CHMP5: variants seen among roughly 807,000 people sequenced by gnomAD.
CHMP5 encodes the protein charged multivesicular body protein 5.
In CHMP5, 17 loss-of-function variants were observed where a neutral mutation model predicts 33.0. That is an observed-to-expected ratio of 0.52 (90% CI 0.35 to 0.77). The LOEUF (loss-of-function observed/expected upper bound fraction) is 0.77, where lower values mean the gene tolerates loss of function less well. CHMP5 is among the 30% of genes least tolerant of loss of function. CHMP5 has a pLI of 0.01. For missense variants in CHMP5, 216 were observed against 261.5 expected (o/e 0.83, Z 1.20); for synonymous variants, 76 against 90.2 (o/e 0.84, Z 0.89).
Position 33,278,148 on chromosome 9 carries a change from G to A in CHMP5, c.532G>A (p.Glu178Lys). Residue 178 changes from glutamate to lysine, a missense_variant, in exon 7 of 8, where the codon GAA becomes AAA. Transcript: ENST00000223500. ...ACTAGGTGATGAGCTTCTGGCTGAT[G>A]AAGACAGTTCTTATTTGGATGAGGC... ...DALGDELLADEDSSYLDEAAS... is the reference protein window; with the variant it reads ...DALGDELLADKDSSYLDEAAS... The A allele has an allele frequency of 6.2e-7, 1 of 1,612,926 alleles. No individual in the cohort carries two copies. Among genetic ancestry groups the A allele is most frequent in the Non-Finnish European group, 8.5e-7 (1 of 1,179,366 alleles).
At chr9:33,266,785 TGGCCTGC>T (rs981160733) in intron 2 of CHMP5, among the ~76,000 whole-genome samples, 3 of 152,092 alleles carry the variant, frequency 2.0e-5, no homozygotes, top group Non-Finnish European at 4.4e-5. Context: ...GCTTAAGGAG[TGGCCTGC>T]TGGGAAAAAC....
Position 33,276,389 on chromosome 9 carries a change from TA to T in CHMP5, c.388-66del, listed in dbSNP as rs1208855551. On this transcript the variant is annotated intron_variant, in intron 5 of 7. Coordinates refer to ENST00000223500, the MANE Select transcript of CHMP5 (RefSeq NM_016410.6). ...TCATGTCTAGATTCAAAGGAGAATG[TA>T]GGGGAAAAGGGTAGTTAAAAGAAAA... The T allele has an allele frequency of 4.8e-6, 4 of 826,440 alleles. No homozygotes were observed. In the African/African-American group the frequency reaches 6.9e-5, roughly 14 times the overall value. 51.2% of individuals were successfully genotyped at this position (826,440 alleles called of 1,614,324 possible). A position where few individuals can be genotyped will look rare whatever the true frequency, so the allele number is the denominator to read the frequency against.
chr9:33,269,079 T>C (rs1820762461), intron 3 of CHMP5, among the ~76,000 whole-genome samples: 2 of 152,232 alleles, frequency 1.3e-5, no homozygotes, highest in South Asian at 4.1e-4. Flanking sequence ...TTGTTTCCAA[T>C]ATTGTATAAA....
At chr9:33,275,934 G>A (rs1300471677) in intron 5 of CHMP5, among the ~76,000 whole-genome samples, 4 of 152,114 alleles carry the variant, frequency 2.6e-5, no homozygotes, top group African/African-American at 4.8e-5. Flanking sequence ...ACTTGAACCC[G>A]GGAAGTGAAG....
At chr9:33,267,999 A>G (rs1820747782) in intron 3 of CHMP5, 100 bp downstream of exon 3, 2 of 794,260 alleles carry the variant, frequency 2.5e-6, no homozygotes, top group African/African-American at 3.5e-5. Flanking sequence ...AGCACTCTTG[A>G]TTTAATTACA....
At chr9:33,273,293 C>A (rs1820816766) in intron 5 of CHMP5, among the ~76,000 whole-genome samples, 1 of 151,718 alleles carries the variant, frequency 6.6e-6, no homozygotes, top group Non-Finnish European at 1.5e-5. Flanking sequence ...TGTATAATAT[C>A]ATTTGCCATT....
At chr9:33,267,174 G>T (rs1356744357) in intron 2 of CHMP5, among the ~76,000 whole-genome samples, 1 of 152,152 alleles carries the variant, frequency 6.6e-6, no homozygotes, top group Non-Finnish European at 1.5e-5. Flanking sequence ...TTCCTCACTG[G>T]AGAAGACAAA....
At chr9:33,274,017 T>C (rs1253758896) in intron 5 of CHMP5, among the ~76,000 whole-genome samples, 3 of 152,058 alleles carry the variant, frequency 2.0e-5, no homozygotes, top group African/African-American at 7.2e-5. Flanking sequence ...AAATCAAAGT[T>C]TAAAAAAAAA....
chr9:33,269,115 G>A (rs1483452149), intron 3 of CHMP5, among the ~76,000 whole-genome samples: 1 of 152,150 alleles, frequency 6.6e-6, no homozygotes, highest in Non-Finnish European at 1.5e-5. Flanking sequence ...AGTCTTTGAG[G>A]TAATATTATA....
chr9:33,267,031 A>G (rs569118072), intron 2 of CHMP5, among the ~76,000 whole-genome samples: 51 of 152,342 alleles, frequency 3.3e-4, no homozygotes, highest in African/African-American at 1.2e-3. Flanking sequence ...TAAAACAGAG[A>G]TAATACCCAC....
At chr9:33,271,280 C>T (rs374155121) in intron 5 of CHMP5, 57 bp downstream of exon 5, 52 of 1,379,022 alleles carry the variant, frequency 3.8e-5, no homozygotes, top group Non-Finnish European at 5.0e-5. Flanking sequence ...AGAATCCAAA[C>T]GAGTGTGCAT....
In CHMP5 at chr9:33,272,697, G is replaced by A. The variant is rs139062700; in HGVS notation, c.387+1474G>A. Among the ~76,000 whole-genome samples, 846 of 152,158 alleles carry A rather than the reference G, an allele frequency of 5.6e-3. 3 individuals carry two copies. The highest frequency in any genetic ancestry group is 9.2e-3 in the Non-Finnish European group (629 of 68,010). ...TGTGTGCCTGTAGTCCCAGCTGTTC[G>A]GGAGGCTGAGGCAGGAGAATGGCAA... On this transcript the variant is annotated intron_variant, in intron 5 of 7. Coordinates refer to ENST00000223500, the MANE Select transcript of CHMP5 (RefSeq NM_016410.6).
chr9:33,275,391 C>T (rs943442612), intron 5 of CHMP5, among the ~76,000 whole-genome samples: 4 of 152,098 alleles, frequency 2.6e-5, no homozygotes, highest in African/African-American at 9.7e-5. Context: ...TTTTCACCAG[C>T]CTTGTCTTGG....
At chr9:33,276,098 G>T (rs117265938) in intron 5 of CHMP5, among the ~76,000 whole-genome samples, 1 of 152,172 alleles carries the variant, frequency 6.6e-6, no homozygotes, top group African/African-American at 2.4e-5. Flanking sequence ...ATAGGCAAGG[G>T]ATTATGTGGG....
chr9:33,266,673 A>G (rs1256131616), intron 2 of CHMP5, among the ~76,000 whole-genome samples: 1 of 152,192 alleles, frequency 6.6e-6, no homozygotes, highest in Non-Finnish European at 1.5e-5. Flanking sequence ...CATGAGAATT[A>G]GCATATTATA....
At chr9:33,276,098 G>A (rs117265938) in intron 5 of CHMP5, among the ~76,000 whole-genome samples, 250 of 152,290 alleles carry the variant, frequency 1.6e-3, no homozygotes, top group Non-Finnish European at 7.8e-4. Flanking sequence ...ATAGGCAAGG[G>A]ATTATGTGGG....
intron 3 of CHMP5, among the ~76,000 whole-genome samples, chr9:33,269,390 C>G (rs1820766319): frequency 6.6e-6 from 1 of 152,192 alleles, no homozygotes; most frequent in African/African-American, 2.4e-5. Context: ...TGTAATCCCA[C>G]CTACTTGGGA....
intron 3 of CHMP5, among the ~76,000 whole-genome samples, chr9:33,268,345 A>C (rs1385586960): frequency 6.6e-6 from 1 of 152,168 alleles, no homozygotes; most frequent in Non-Finnish European, 1.5e-5. Context: ...AGGAATCCTA[A>C]ATGTTTGTTC....
In CHMP5 at chr9:33,271,209, A is replaced by T. The variant is rs1820790601; in HGVS notation, c.373A>T (p.Ile125Phe). Residue 125 changes from isoleucine to phenylalanine, a missense_variant, in exon 5 of 8, where the codon ATC (isoleucine) becomes TTC (phenylalanine). Ile to Phe is a conservative substitution (Grantham distance 21). Coordinates refer to ENST00000223500, the MANE Select transcript of CHMP5 (RefSeq NM_016410.6). ...EMKKAYKQVKIDQIEDLQDQL... is the reference protein window; with the variant it reads ...EMKKAYKQVKFDQIEDLQDQL... ...GAAGAAGGCATACAAGCAAGTGAAG[A>T]TCGACCAGATTGAGGTGAGACATAT... 7 of 1,613,670 alleles carry T rather than the reference A, an allele frequency of 4.3e-6. No individual in the cohort carries two copies. Among genetic ancestry groups the T allele is most frequent in the Non-Finnish European group, 5.9e-6 (7 of 1,179,526 alleles).
Sources: gnomAD v4.1 joint callset for allele counts (sites outside exome capture counted in the v4.1 genomes callset) on GRCh38, gnomAD v4.1.1 for gene constraint, MANE v1.5 for transcripts, NCBI Gene and HGNC (gene_info 2026-07-23, HGNC 2026-07-21) for gene names.